The following AFF1 variants were observed in gnomAD, a reference collection of about 807,000 sequenced individuals.
AFF1 encodes the protein AF4/FMR2 family member 1.
In AFF1, 48 loss-of-function variants were observed where a neutral mutation model predicts 121.7. The ratio of observed to expected loss-of-function variants is 0.39; its 90% CI spans 0.31 to 0.50. The LOEUF is 0.50. Among genes scored for constraint, AFF1 ranks in the 20% least tolerant of loss-of-function variants. The pLI is 0.76. For missense variants in AFF1, 1,523 were observed against 1,511.7 expected (o/e 1.01, Z -0.12); for synonymous variants, 613 against 563.0 (o/e 1.09, Z -1.26).
At chr4:86,995,503 G>C (rs902654224) in intron 2 of AFF1, among the ~76,000 whole-genome samples, 1 of 151,842 alleles carries the variant, frequency 6.6e-6, no homozygotes, top group Non-Finnish European at 1.5e-5. Flanking sequence ...TGGTGGAGAC[G>C]GGGTTTCGCT....
chr4:87,082,986 A>G (rs1332154704), intron 4 of AFF1, among the ~76,000 whole-genome samples: 1 of 152,234 alleles, frequency 6.6e-6, no homozygotes, highest in African/African-American at 2.4e-5. Context: ...AGTTTTATGC[A>G]TAGCAGTGGC....
chr4:87,012,096 T>C (rs1343752751), intron 2 of AFF1, among the ~76,000 whole-genome samples: 3 of 152,194 alleles, frequency 2.0e-5, no homozygotes, highest in Admixed American at 2.0e-4. Context: ...CTTGTGAGCC[T>C]CCAAATCTAT....
intron 2 of AFF1, among the ~76,000 whole-genome samples, chr4:86,999,957 CAG>C (rs752882267): frequency 8.6e-5 from 13 of 152,040 alleles, no homozygotes; most frequent in Non-Finnish European, 1.5e-4. Context: ...CCTGTAGTAA[CAG>C]AAAGGAAAGG....
At position 87,079,665 on chromosome 4, in the gene AFF1, G is replaced by A. The variant is rs147628672; in HGVS notation, c.1060-4455G>A. Among the ~76,000 whole-genome samples, 1,044 of 152,300 alleles carry A rather than the reference G, an allele frequency of 6.9e-3. 12 individuals are homozygous for A. Among genetic ancestry groups the A allele is most frequent in the African/African-American group, 0.024 (1,000 of 41,560 alleles). On this transcript the variant is annotated intron_variant, in intron 4 of 20. Coordinates refer to ENST00000395146, the MANE Select transcript of AFF1 (RefSeq NM_001166693.3). ...CCAGCTCAGCTGCTTCAGAGCTTTTGTGTGTCCTTGCATAGACAACTTAAT... is the reference window on the plus strand; with the variant it reads ...CCAGCTCAGCTGCTTCAGAGCTTTTATGTGTCCTTGCATAGACAACTTAAT...
intron 2 of AFF1, among the ~76,000 whole-genome samples, chr4:86,952,020 AT>A (rs1206442068): frequency 6.6e-6 from 1 of 151,392 alleles, no homozygotes; most frequent in Non-Finnish European, 1.5e-5. Context: ...CTATGTCTAA[AT>A]TTTATCACAG....
At chr4:87,002,482 A>G (rs1725806737) in intron 2 of AFF1, among the ~76,000 whole-genome samples, 2 of 116,566 alleles carry the variant, frequency 1.7e-5, no homozygotes, top group Admixed American at 2.5e-4. Flanking sequence ...CCCAGGCTGG[A>G]GTGCAGTGGT....
rs1223783829 is a variant in AFF1, at chr4:87,114,664, C to G, written c.1831C>G (p.Gln611Glu). ...ACAAAGGCAAACCGTTGGAACCAAA[C>G]AACCCAAAAAACCTGTCAAGGCCTC... is the stretch of plus-strand genomic sequence containing the variant. ...PPQRQTVGTKQPKKPVKASAR... is the reference protein window; with the variant it reads ...PPQRQTVGTKEPKKPVKASAR... Residue 611 changes from glutamine to glutamate, a missense_variant, in exon 12 of 21, where the codon CAA (glutamine) becomes GAA (glutamate). Transcript: ENST00000395146. 1.9e-6 allele frequency: 3 copies of G among 1,596,542 alleles called. No individual in the cohort carries two copies. The highest frequency in any genetic ancestry group is 3.4e-5 in the Admixed American group (2 of 58,082).
Position 87,138,492 on chromosome 4 carries a change from TGTG to T in AFF1, c.*2792_*2794del, listed in dbSNP as rs1435309352. 7.7e-5 allele frequency: 2 copies of T among 26,138 alleles called. No individual in the cohort carries two copies. Among genetic ancestry groups the T allele is most frequent in the Non-Finnish European group, 8.5e-5 (1 of 11,818 alleles). The allele number at this position is 26,138 out of a possible 1,614,324, so 1.6% of individuals were successfully genotyped here. A position where few individuals can be genotyped will look rare whatever the true frequency, so the allele number is the denominator to read the frequency against. ...AAATCTTGCCTTTGGCACTACAAGG[TGTG>T]TGTGTGTGTGTGTGTGTGTGTGTGT... On this transcript the variant is annotated 3_prime_UTR_variant, in exon 21 of 21. Coordinates refer to ENST00000395146, the MANE Select transcript of AFF1 (RefSeq NM_001166693.3).
Position 87,127,175 on chromosome 4 carries a change from C to T in AFF1, c.2903+58C>T, listed in dbSNP as rs544888047. On this transcript the variant is annotated intron_variant, in intron 15 of 20. Coordinates refer to ENST00000395146, the MANE Select transcript of AFF1 (RefSeq NM_001166693.3). Reference sequence around the variant, plus strand: ...TTTGTTTTGTTTTGCTTCCCCCCCCCACCAAGATAGAGTCTCACTCTGTCA... The same window carrying T: ...TTTGTTTTGTTTTGCTTCCCCCCCCTACCAAGATAGAGTCTCACTCTGTCA... 7.4e-6 allele frequency: 9 copies of T among 1,219,424 alleles called. No homozygotes were observed. In the African/African-American group the frequency reaches 7.7e-5, roughly 10 times the overall value. 75.5% of individuals were successfully genotyped at this position (1,219,424 alleles called of 1,614,324 possible). A position where few individuals can be genotyped will look rare whatever the true frequency, so the allele number is the denominator to read the frequency against.
chr4:87,115,858 G>A (rs1270231337), intron 12 of AFF1, among the ~76,000 whole-genome samples: 4 of 151,862 alleles, frequency 2.6e-5, no homozygotes, highest in East Asian at 3.9e-4. Context: ...TTATCCACCC[G>A]CCTCTGCCTC....
At position 87,139,690 on chromosome 4, in the gene AFF1, G is replaced by T; in HGVS notation, c.*3989G>T. 1 of 228,836 alleles carries T rather than the reference G, an allele frequency of 4.4e-6. No homozygotes were observed. Among genetic ancestry groups the T allele is most frequent in the Non-Finnish European group, 8.7e-6 (1 of 115,284 alleles). The allele number at this position is 228,836 out of a possible 1,614,324, so 14.2% of individuals were successfully genotyped here. A position where few individuals can be genotyped will look rare whatever the true frequency, so the allele number is the denominator to read the frequency against. On this transcript the variant is annotated 3_prime_UTR_variant, in exon 21 of 21. Coordinates refer to ENST00000395146, the MANE Select transcript of AFF1 (RefSeq NM_001166693.3). ...CCCACTTAGGATTAATGGATGTAAG[G>T]TATTTTCCTGTGCCTTTATTTTGTG...
intron 2 of AFF1, among the ~76,000 whole-genome samples, chr4:86,972,626 C>T (rs1723026044): frequency 6.6e-6 from 1 of 152,188 alleles, no homozygotes; most frequent in Non-Finnish European, 1.5e-5. Context: ...TAACCTCCAT[C>T]TCCTGGGTTC....
chr4:86,962,141 GTTTCTT>G (rs1266098021), intron 2 of AFF1, among the ~76,000 whole-genome samples: 25 of 115,566 alleles, frequency 2.2e-4, no homozygotes, highest in African/African-American at 7.0e-4. Context: ...AAAAGTTATT[GTTTCTT>G]TTTTTTTTTT....
At chr4:87,075,434 CATTT>C (rs1232771419) in intron 4 of AFF1, among the ~76,000 whole-genome samples, 1 of 152,164 alleles carries the variant, frequency 6.6e-6, no homozygotes, top group African/African-American at 2.4e-5. Flanking sequence ...ATTAGGCTCT[CATTT>C]ATTAAATGAA....
chr4:87,111,002 T>TTTTATTTTA lies in AFF1; in HGVS notation c.1533+2690_1533+2691insATTTTATTT, dbSNP rs1560635293. ...ACTTTTATCTACTTAAACTTTATTT[T>TTTTATTTTA]TTTTTTTTTATTTTTTTTTTTTTGA... is the stretch of plus-strand genomic sequence containing the variant. On this transcript the variant is annotated intron_variant, in intron 11 of 20. Coordinates refer to ENST00000395146, the MANE Select transcript of AFF1 (RefSeq NM_001166693.3). 4.9e-4 allele frequency among the ~76,000 whole-genome samples: 44 copies of TTTTATTTTA among 89,820 alleles called. 14 individuals carry two copies. Among genetic ancestry groups the TTTTATTTTA allele is most frequent in the African/African-American group, 1.7e-3 (39 of 22,764 alleles). The allele number at this position is 89,820 out of a possible 152,430, so 58.9% of individuals were successfully genotyped here.
intron 4 of AFF1, among the ~76,000 whole-genome samples, chr4:87,055,123 A>G (rs1482416830): frequency 6.6e-6 from 1 of 152,166 alleles, no homozygotes; most frequent in Non-Finnish European, 1.5e-5. Context: ...CTGCAGGCAC[A>G]TGGCAGCATG....
intron 4 of AFF1, among the ~76,000 whole-genome samples, chr4:87,072,025 GAA>G (rs1722112457): frequency 6.6e-6 from 1 of 152,076 alleles, no homozygotes; most frequent in African/African-American, 2.4e-5. Flanking sequence ...GACGATGAGA[GAA>G]ATAAATTGAG....
chr4:87,065,703 C>T (rs772737039), intron 4 of AFF1, among the ~76,000 whole-genome samples: 2 of 152,090 alleles, frequency 1.3e-5, no homozygotes, highest in Non-Finnish European at 2.9e-5. Flanking sequence ...AAGTTTTAGG[C>T]CGGAGGTAAT....
intron 2 of AFF1, among the ~76,000 whole-genome samples, chr4:86,976,095 C>T (rs1560512096): frequency 1.3e-5 from 2 of 152,014 alleles, no homozygotes; most frequent in African/African-American, 4.8e-5. Flanking sequence ...AGGGATGTAA[C>T]AAGGAAGGGA....
Sources: allele counts gnomAD v4.1 joint callset (sites outside exome capture counted in the v4.1 genomes callset), GRCh38; gene constraint gnomAD v4.1.1; transcripts MANE v1.5; gene names NCBI Gene and HGNC (gene_info 2026-07-23, HGNC 2026-07-21).